Variants in DLGAP1 observed in about 807,000 individuals in gnomAD.
DLGAP1 encodes the protein disks large-associated protein 1.
A neutral mutation model predicts 90.8 loss-of-function variants in DLGAP1; 11 were observed. That is an observed-to-expected ratio of 0.12 (90% CI 0.08 to 0.20). The LOEUF (loss-of-function observed/expected upper bound fraction) is 0.20, where lower values mean the gene tolerates loss of function less well. Ranked by LOEUF, DLGAP1 falls within the 10% of genes least tolerant of loss-of-function variation. DLGAP1 has a pLI of 1.00. For synonymous variants in DLGAP1, 558 were observed against 540.7 expected (o/e 1.03, Z -0.44); for missense variants, 1,050 against 1,333.8 (o/e 0.79, Z 3.31).
intron 1 of DLGAP1, among the ~76,000 whole-genome samples, chr18:4,208,287 A>G (rs1381547401): frequency 6.6e-6 from 1 of 152,226 alleles, no homozygotes. Context: ...AATATTATAA[A>G]TTGTAATTGT....
intron 1 of DLGAP1, among the ~76,000 whole-genome samples, chr18:4,303,870 G>C (rs2080187094): frequency 6.6e-6 from 1 of 152,180 alleles, no homozygotes; most frequent in Non-Finnish European, 1.5e-5. Flanking sequence ...GAAAATCCTA[G>C]TTCCTTTTTA....
chr18:4,450,881 A>G (rs1296746282), intron 1 of DLGAP1, among the ~76,000 whole-genome samples: 2 of 152,202 alleles, frequency 1.3e-5, no homozygotes, highest in African/African-American at 4.8e-5. Context: ...TATCTAGTTC[A>G]CAATTAGATA....
intron 1 of DLGAP1, among the ~76,000 whole-genome samples, chr18:4,222,363 C>T (rs554982181): frequency 1.3e-5 from 2 of 152,194 alleles, no homozygotes; most frequent in African/African-American, 2.4e-5. Context: ...AGGCAGAGCC[C>T]GTGCCCATTT....
chr18:4,068,270 C>T (rs2075398879), intron 2 of DLGAP1, among the ~76,000 whole-genome samples: 1 of 151,868 alleles, frequency 6.6e-6, no homozygotes, highest in South Asian at 2.1e-4. Flanking sequence ...TAGTGACTTA[C>T]TCAGTAGTTG....
chr18:4,226,931 T>A (rs2078202553), intron 1 of DLGAP1, among the ~76,000 whole-genome samples: 1 of 151,698 alleles, frequency 6.6e-6, no homozygotes, highest in Non-Finnish European at 1.5e-5. Flanking sequence ...ATAGATAAAA[T>A]TTTTTAAAAA....
At chr18:4,040,257 T>G (rs1314190511) in intron 2 of DLGAP1, among the ~76,000 whole-genome samples, 2 of 152,206 alleles carry the variant, frequency 1.3e-5, no homozygotes, top group African/African-American at 4.8e-5. Flanking sequence ...ACCTCACATG[T>G]AGTTGTGAGG....
At chr18:3,518,639 A>G (rs773949856) in intron 10 of DLGAP1, among the ~76,000 whole-genome samples, 3 of 152,202 alleles carry the variant, frequency 2.0e-5, no homozygotes, top group Non-Finnish European at 4.4e-5. Flanking sequence ...TCAGCTCACC[A>G]ATTACCAGCT....
At chr18:4,245,134 A>G (rs1320191778) in intron 1 of DLGAP1, among the ~76,000 whole-genome samples, 3 of 152,204 alleles carry the variant, frequency 2.0e-5, no homozygotes, top group Admixed American at 6.5e-5. Flanking sequence ...AACTCAGAAC[A>G]TTGCTCCAAT....
rs943552465 is a variant in DLGAP1 at position 3,549,295 on chromosome 18, C to G, written c.2058-14680G>C. On this transcript the variant is annotated intron_variant, in intron 9 of 12. Transcript: ENST00000315677. ...AGGAATGCTGAAGATTTAGATTTCTCTCACCTTTCCAACACTCCTATTCCT... is the reference window on the plus strand; with the variant it reads ...AGGAATGCTGAAGATTTAGATTTCTGTCACCTTTCCAACACTCCTATTCCT... Among the ~76,000 whole-genome samples, 4 of 151,838 alleles carry G rather than the reference C, an allele frequency of 2.6e-5. No homozygotes were observed. In the South Asian group the frequency reaches 8.3e-4, roughly 32 times the overall value.
At chr18:4,314,836 G>A (rs2080487192) in intron 1 of DLGAP1, among the ~76,000 whole-genome samples, 1 of 152,150 alleles carries the variant, frequency 6.6e-6, no homozygotes, top group African/African-American at 2.4e-5. Context: ...ACAGGCAGGT[G>A]ACAAGAAGAG....
chr18:4,126,953 A>G (rs572010902), intron 2 of DLGAP1, among the ~76,000 whole-genome samples: 1 of 152,362 alleles, frequency 6.6e-6, no homozygotes, highest in South Asian at 2.1e-4. Flanking sequence ...GTATCTCCAG[A>G]AGATGAATTT....
chr18:4,170,945 C>A (rs1296595055), intron 1 of DLGAP1, among the ~76,000 whole-genome samples: 1 of 152,038 alleles, frequency 6.6e-6, no homozygotes, highest in African/African-American at 2.4e-5. Flanking sequence ...TGTTCTTGCA[C>A]CTCAGTGAAC....
At chr18:4,121,399 C>T (rs1269350680) in intron 2 of DLGAP1, among the ~76,000 whole-genome samples, 2 of 152,100 alleles carry the variant, frequency 1.3e-5, no homozygotes, top group East Asian at 3.9e-4. Flanking sequence ...CCCATCCAGG[C>T]ACTTCCTTGT....
chr18:3,799,492 G>T (rs1009188225), intron 5 of DLGAP1, among the ~76,000 whole-genome samples: 102 of 123,784 alleles, frequency 8.2e-4, no homozygotes, highest in African/African-American at 2.6e-3. Flanking sequence ...CTTAAAAAAC[G>T]TAGTGCCTTT....
chr18:4,329,348 C>T (rs2080896861), intron 1 of DLGAP1, among the ~76,000 whole-genome samples: 1 of 151,150 alleles, frequency 6.6e-6, no homozygotes, highest in African/African-American at 2.4e-5. Flanking sequence ...TTCTAATGAT[C>T]TAATATGTAT....
chr18:3,948,389 C>A (rs1434922570), intron 3 of DLGAP1, among the ~76,000 whole-genome samples: 1 of 152,066 alleles, frequency 6.6e-6, no homozygotes, highest in Admixed American at 6.6e-5. Flanking sequence ...AAAATTCATG[C>A]AAAGTGGCAG....
chr18:3,917,237 C>T (rs770217481), intron 3 of DLGAP1, among the ~76,000 whole-genome samples: 25 of 152,144 alleles, frequency 1.6e-4, no homozygotes, highest in Admixed American at 2.6e-4. Flanking sequence ...GAAATAAACC[C>T]GTCATAAGTT....
At chr18:3,535,625 A>G (rs539268641) in intron 9 of DLGAP1, among the ~76,000 whole-genome samples, 67 of 149,986 alleles carry the variant, frequency 4.5e-4, no homozygotes, top group African/African-American at 1.5e-3. Context: ...GGAGAATGGC[A>G]TGAACCCGGG....
intron 1 of DLGAP1, among the ~76,000 whole-genome samples, chr18:4,178,188 C>T (rs559602473): frequency 1.2e-4 from 18 of 145,714 alleles, no homozygotes; most frequent in South Asian, 4.4e-4. Flanking sequence ...AGAAATCCTA[C>T]GGGTCCTGGA....
Sources: allele counts gnomAD v4.1 joint callset (sites outside exome capture counted in the v4.1 genomes callset), GRCh38; gene constraint gnomAD v4.1.1; transcripts MANE v1.5; gene names NCBI Gene and HGNC (gene_info 2026-07-23, HGNC 2026-07-21).